Variants in CLYBL observed in about 807,000 individuals in gnomAD.
CLYBL encodes the protein citramalyl-CoA lyase.
CLYBL carries 31 observed loss-of-function variants against 38.9 expected under a neutral mutation model. The ratio of observed to expected loss-of-function variants is 0.80; its 90% confidence interval spans 0.60 to 1.08. The LOEUF is 1.08. Among genes scored for constraint, CLYBL ranks in the 50% least tolerant of loss-of-function variants. The probability of loss-of-function intolerance (pLI) is 0.00; values close to 1 mark genes in which losing one functional copy is unlikely to be tolerated. For missense variants in CLYBL, 434 were observed against 411.6 expected, an observed-to-expected ratio of 1.05 and a Z score of -0.47; for synonymous variants, 171 against 158.6, an observed-to-expected ratio of 1.08 and a Z score of -0.59.
chr13:99,636,209 C>A (rs1160048761), intron 1 of CLYBL, among the ~76,000 whole-genome samples: 1 of 152,194 alleles, frequency 6.6e-6, no homozygotes, highest in African/African-American at 2.4e-5. Flanking sequence ...TCTCCCCAAG[C>A]AAAATGCCAC....
intron 1 of CLYBL, among the ~76,000 whole-genome samples, chr13:99,763,095 A>G (rs1256421393): frequency 6.6e-6 from 1 of 152,190 alleles, no homozygotes; most frequent in Non-Finnish European, 1.5e-5. Flanking sequence ...TCTAAGTATA[A>G]GATCATGTTA....
intron 1 of CLYBL, among the ~76,000 whole-genome samples, chr13:99,745,581 A>G (rs2048833874): frequency 6.6e-6 from 1 of 152,248 alleles, no homozygotes; most frequent in East Asian, 1.9e-4. Context: ...ACAAAACCCA[A>G]CTATGTTAGA....
chr13:99,752,034 A>T (rs1331386511), intron 1 of CLYBL, among the ~76,000 whole-genome samples: 3 of 152,130 alleles, frequency 2.0e-5, no homozygotes, highest in Admixed American at 6.6e-5. Context: ...CTCACTACAC[A>T]CATTCCAACT....
intron 1 of CLYBL, among the ~76,000 whole-genome samples, chr13:99,719,945 A>G (rs1426986845): frequency 1.3e-5 from 2 of 151,978 alleles, no homozygotes; most frequent in Non-Finnish European, 2.9e-5. Flanking sequence ...TTGGTCTTTT[A>G]GCAGGGATAT....
intron 4 of CLYBL, among the ~76,000 whole-genome samples, chr13:99,864,286 T>G (rs1187154741): frequency 6.6e-6 from 1 of 152,252 alleles, no homozygotes; most frequent in African/African-American, 2.4e-5. Flanking sequence ...GTATTTGCCT[T>G]GACTTTCATA....
At chr13:99,756,705 G>T (rs1398426109) in intron 1 of CLYBL, among the ~76,000 whole-genome samples, 2 of 152,186 alleles carry the variant, frequency 1.3e-5, no homozygotes, top group East Asian at 3.9e-4. Flanking sequence ...AAGCCAAAAG[G>T]TTAGACAGTC....
chr13:99,626,973 C>T (rs1018253539), intron 1 of CLYBL, among the ~76,000 whole-genome samples: 1 of 149,892 alleles, frequency 6.7e-6, no homozygotes, highest in Admixed American at 6.7e-5. Flanking sequence ...CATCTAGTAC[C>T]GGCGCTGCTC....
chr13:99,878,274 T>C (rs945099201), intron 7 of CLYBL, among the ~76,000 whole-genome samples: 3 of 152,256 alleles, frequency 2.0e-5, no homozygotes, highest in African/African-American at 4.8e-5. Flanking sequence ...AATGTACCAG[T>C]ATTTTAGTAA....
chr13:99,686,055 G>A (rs1233447055), intron 1 of CLYBL, among the ~76,000 whole-genome samples: 1 of 152,112 alleles, frequency 6.6e-6, no homozygotes. Context: ...CAGATTCAGA[G>A]CCCACCTTTG....
intron 1 of CLYBL, among the ~76,000 whole-genome samples, chr13:99,653,135 G>T (rs984303877): frequency 6.6e-6 from 1 of 152,194 alleles, no homozygotes; most frequent in South Asian, 2.1e-4. Context: ...GCAAGGGTTT[G>T]TAGAGGGGAG....
At chr13:99,663,493 G>T (rs1361133683) in intron 1 of CLYBL, among the ~76,000 whole-genome samples, 1 of 152,142 alleles carries the variant, frequency 6.6e-6, no homozygotes, top group Non-Finnish European at 1.5e-5. Flanking sequence ...CATCTTATCA[G>T]AAAGTGTCAC....
intron 7 of CLYBL, among the ~76,000 whole-genome samples, chr13:99,872,903 ACAC>A (rs2051944697): frequency 6.6e-6 from 1 of 151,582 alleles, no homozygotes; most frequent in Non-Finnish European, 1.5e-5. Context: ...CAAAGTTTTC[ACAC>A]CTTTTGATGA....
At chr13:99,774,917 A>G (rs1236104215) in intron 2 of CLYBL, among the ~76,000 whole-genome samples, 1 of 152,166 alleles carries the variant, frequency 6.6e-6, no homozygotes, top group Non-Finnish European at 1.5e-5. Flanking sequence ...GCTAACTTGT[A>G]ATTCCAGTTC....
chr13:99,796,436 G>A (rs1283942322), intron 2 of CLYBL, among the ~76,000 whole-genome samples: 1 of 152,170 alleles, frequency 6.6e-6, no homozygotes, highest in African/African-American at 2.4e-5. Flanking sequence ...ATTGATTCCA[G>A]AGAACATTTA....
At chr13:99,801,985 C>T (rs575039838) in intron 2 of CLYBL, among the ~76,000 whole-genome samples, 3 of 152,278 alleles carry the variant, frequency 2.0e-5, no homozygotes, top group South Asian at 4.1e-4. Flanking sequence ...CATTGCACTC[C>T]AGCCTGGGCA....
At chr13:99,680,391 G>A (rs2139394908) in intron 1 of CLYBL, among the ~76,000 whole-genome samples, 1 of 152,266 alleles carries the variant, frequency 6.6e-6, no homozygotes, top group Non-Finnish European at 1.5e-5. Flanking sequence ...TGATGAGATG[G>A]CATTCATAAG....
intron 1 of CLYBL, among the ~76,000 whole-genome samples, chr13:99,713,582 C>T (rs1016934453): frequency 2.0e-5 from 3 of 151,972 alleles, no homozygotes; most frequent in Non-Finnish European, 2.9e-5. Flanking sequence ...TCAGGTGATC[C>T]GCCCTCCTTG....
In CLYBL at chr13:99,614,080, C is replaced by T. The variant is rs78573861; in HGVS notation, c.62+7323C>T. 9.6e-3 allele frequency among the ~76,000 whole-genome samples: 1,461 copies of T among 152,072 alleles called. 26 individuals are homozygous for T. Among genetic ancestry groups the T allele is most frequent in the African/African-American group, 0.033 (1,384 of 41,458 alleles). On this transcript the variant is annotated intron_variant, in intron 1 of 8. Transcript: ENST00000339105. ...AGAAGTAAAGGGCTGTGGATGAAGACGGGTACTTATTAGGAACAGGGAGGA... is the reference window on the plus strand; with the variant it reads ...AGAAGTAAAGGGCTGTGGATGAAGATGGGTACTTATTAGGAACAGGGAGGA...
At chr13:99,829,356 G>A (rs561676754) in intron 2 of CLYBL, among the ~76,000 whole-genome samples, 2 of 152,320 alleles carry the variant, frequency 1.3e-5, no homozygotes, top group South Asian at 2.1e-4. Flanking sequence ...GAAGGAACAC[G>A]TTAAGACAGC....
Sources: allele counts gnomAD v4.1 joint callset (sites outside exome capture counted in the v4.1 genomes callset), GRCh38; gene constraint gnomAD v4.1.1; transcripts MANE v1.5; gene names NCBI Gene and HGNC (gene_info 2026-07-23, HGNC 2026-07-21).